The following HIVEP2 variants were observed in gnomAD, a reference collection of about 807,000 sequenced individuals.
HIVEP2 encodes the protein HIVEP zinc finger 2.
HIVEP2 carries 14 observed loss-of-function variants against 180.7 expected under a neutral mutation model. The observed-to-expected ratio is 0.08, with a 90% CI of 0.05 to 0.12. The LOEUF (loss-of-function observed/expected upper bound fraction) is 0.12. Ranked by LOEUF, HIVEP2 falls within the 10% of genes least tolerant of loss-of-function variation. The pLI, the probability that HIVEP2 is intolerant of heterozygous loss-of-function variation, is 1.00. For synonymous variants in HIVEP2, 1,184 were observed against 1,136.4 expected (o/e 1.04, Z -0.84); for missense variants, 2,579 against 3,008.5 (o/e 0.86, Z 3.34).
chr6:142,774,657 G>A lies in HIVEP2; in HGVS notation c.82C>T (p.Gln28Ter). ...ETDKASGRWR[Q>*]EQSAVIKMST... is the part of the protein sequence containing the mutation. ...ATCTTAATAACAGCTGATTGTTCCT[G>A]TCTCCATCTACCTGATGCTTTATCA... The change falls in exon 5 of 10, where the codon CAG (glutamine) becomes TAG (stop). Residue 28 changes from glutamine to a stop codon, truncating the protein, a stop_gained. Coordinates refer to ENST00000367603, the MANE Select transcript of HIVEP2 (RefSeq NM_006734.4). LOFTEE classifies it high-confidence loss of function. The surrounding 1 kb of genome is among the most constrained non-coding windows in gnomAD (Gnocchi z 5.1). 6.2e-7 allele frequency: 1 copy of A among 1,614,146 alleles called. No homozygotes were observed. The highest frequency in any genetic ancestry group is 8.5e-7 in the Non-Finnish European group (1 of 1,180,026).
At chr6:142,889,804 G>A (rs577102446) in intron 1 of HIVEP2, among the ~76,000 whole-genome samples, 7 of 152,330 alleles carry the variant, frequency 4.6e-5, no homozygotes, top group East Asian at 3.9e-4. Flanking sequence ...TTTTGGTGCT[G>A]TCCACTAGAC....
intron 1 of HIVEP2, among the ~76,000 whole-genome samples, chr6:142,882,222 A>C (rs940168912): frequency 2.6e-4 from 40 of 152,348 alleles, no homozygotes; most frequent in African/African-American, 9.4e-4. Context: ...GACTACAGTG[A>C]AGTATGAAAC....
chr6:142,806,916 T>C (rs1776568676), intron 2 of HIVEP2, among the ~76,000 whole-genome samples: 1 of 152,166 alleles, frequency 6.6e-6, no homozygotes, highest in African/African-American at 2.4e-5. Flanking sequence ...GGAGCTGGCA[T>C]TGGAACTAGG....
At chr6:142,859,770 G>C (rs1262352267) in intron 1 of HIVEP2, among the ~76,000 whole-genome samples, 1 of 131,198 alleles carries the variant, frequency 7.6e-6, no homozygotes, top group African/African-American at 2.9e-5. Flanking sequence ...GGAGGCAGAT[G>C]TTGCAGTGAG....
intron 2 of HIVEP2, among the ~76,000 whole-genome samples, chr6:142,797,342 A>G (rs1044177556): frequency 6.6e-6 from 1 of 152,182 alleles, no homozygotes; most frequent in African/African-American, 2.4e-5. Flanking sequence ...TGATTTCACA[A>G]TACTTTCCTA....
intron 1 of HIVEP2, among the ~76,000 whole-genome samples, chr6:142,907,089 T>G (rs763360227): frequency 2.9e-4 from 44 of 152,236 alleles, no homozygotes; most frequent in Non-Finnish European, 5.7e-4. Context: ...ACATCTTACA[T>G]GAAATGAAAC....
intron 2 of HIVEP2, among the ~76,000 whole-genome samples, chr6:142,835,376 T>A (rs1160712383): frequency 6.6e-6 from 1 of 152,176 alleles, no homozygotes; most frequent in Non-Finnish European, 1.5e-5. Flanking sequence ...TAATTTAAAT[T>A]AGGTACCACC....
chr6:142,886,511 G>A (rs1776702762), intron 1 of HIVEP2, among the ~76,000 whole-genome samples: 1 of 152,032 alleles, frequency 6.6e-6, no homozygotes, highest in Admixed American at 6.6e-5. Context: ...TTTCCAGTTT[G>A]CCTTAAGCAA....
intron 2 of HIVEP2, among the ~76,000 whole-genome samples, chr6:142,807,498 T>G (rs1241405546): frequency 6.6e-6 from 1 of 152,126 alleles, no homozygotes; most frequent in Admixed American, 6.5e-5. Flanking sequence ...CAATCTAATT[T>G]TTTTCCATAG....
At chr6:142,881,177 C>G (rs1294364719) in intron 1 of HIVEP2, among the ~76,000 whole-genome samples, 2 of 152,142 alleles carry the variant, frequency 1.3e-5, no homozygotes, top group East Asian at 3.9e-4. Flanking sequence ...GAATACCTCT[C>G]CACTCATATA....
At chr6:142,809,319 T>C (rs1776632199) in intron 2 of HIVEP2, among the ~76,000 whole-genome samples, 1 of 152,014 alleles carries the variant, frequency 6.6e-6, no homozygotes, top group African/African-American at 2.4e-5. Flanking sequence ...CTGAGAACAC[T>C]CGCCCTGCCT....
chr6:142,799,553 G>A (rs1485681582), intron 2 of HIVEP2, among the ~76,000 whole-genome samples: 1 of 152,070 alleles, frequency 6.6e-6, no homozygotes, highest in East Asian at 1.9e-4. Context: ...AGTCACTATT[G>A]AAGTGACTAA....
At chr6:142,887,528 A>C (rs1388026670) in intron 1 of HIVEP2, among the ~76,000 whole-genome samples, 1 of 152,180 alleles carries the variant, frequency 6.6e-6, no homozygotes, top group African/African-American at 2.4e-5. Flanking sequence ...TATCCAAAGG[A>C]GACACTATTC....
intron 2 of HIVEP2, among the ~76,000 whole-genome samples, chr6:142,818,785 GAAAGAA>G (rs1776942008): frequency 7.7e-6 from 1 of 130,288 alleles, no homozygotes; most frequent in Non-Finnish European, 1.6e-5. Context: ...AAGAAAGAAA[GAAAGAA>G]AAAGAAAAGA....
At chr6:142,780,363 C>G (rs995889590) in intron 3 of HIVEP2, among the ~76,000 whole-genome samples, 1 of 152,146 alleles carries the variant, frequency 6.6e-6, no homozygotes, top group Non-Finnish European at 1.5e-5. Flanking sequence ...CAGTGAAAGG[C>G]TTATTAGGGA....
At chr6:142,782,576 C>T (rs1233597400) in intron 3 of HIVEP2, among the ~76,000 whole-genome samples, 2 of 152,192 alleles carry the variant, frequency 1.3e-5, no homozygotes, top group African/African-American at 4.8e-5. Context: ...ATTCCCATAA[C>T]AACCTCAGTT....
intron 1 of HIVEP2, among the ~76,000 whole-genome samples, chr6:142,944,394 C>A (rs899658007): frequency 2.0e-5 from 3 of 148,582 alleles, no homozygotes; most frequent in African/African-American, 7.5e-5. Context: ...ACAGACCCCA[C>A]ACATGCACAT....
intron 2 of HIVEP2, among the ~76,000 whole-genome samples, chr6:142,823,687 A>C (rs373136057): frequency 1.3e-5 from 2 of 152,212 alleles, no homozygotes; most frequent in East Asian, 1.9e-4. Flanking sequence ...TGCACATGGC[A>C]CTTGAAGAGT....
rs894632476 is a variant in HIVEP2, at chr6:142,770,683, G to A, written c.4056C>T (p.Ser1352=). 1.8e-5 allele frequency: 29 copies of A among 1,614,066 alleles called. No individual in the cohort carries two copies. In the African/African-American group the frequency reaches 3.7e-4, roughly 21 times the overall value. The change falls in exon 5 of 10, where the codon AGC becomes AGT. Residue 1352 remains serine (S), a synonymous_variant. Transcript: ENST00000367603. This position sits in a 1 kb window ranked among gnomAD's most constrained non-coding sequence, Gnocchi z 4.7. ...VPSYGSVMYT[S]ISQILGQNSP... is the part of the protein sequence containing the mutation. ...TATTCTGCCCAAGTATCTGAGAAAT[G>A]CTTGTGTACATGACACTTCCATAGG...
Sources: allele counts gnomAD v4.1 joint callset (sites outside exome capture counted in the v4.1 genomes callset), GRCh38; gene constraint gnomAD v4.1.1; non-coding constraint Gnocchi (gnomAD v3.1); transcripts MANE v1.5; gene names NCBI Gene and HGNC (gene_info 2026-07-23, HGNC 2026-07-21).